COL3A1: variants seen among roughly 807,000 people sequenced by gnomAD.
COL3A1 encodes the protein collagen alpha-1(III) chain.
Under a neutral mutation model 200.9 loss-of-function variants are expected in COL3A1, and 46 were observed. The observed-to-expected ratio is 0.23, with a 90% confidence interval of 0.18 to 0.29. The LOEUF (loss-of-function observed/expected upper bound fraction) is 0.29. COL3A1 is among the 10% of genes least tolerant of loss of function. The probability of loss-of-function intolerance (pLI) is 1.00; values close to 1 mark genes in which losing one functional copy is unlikely to be tolerated. For missense variants in COL3A1, 1,367 were observed against 1,917.6 expected, an observed-to-expected ratio of 0.71 and a Z score of 5.36; for synonymous variants, 650 against 628.0, an observed-to-expected ratio of 1.03 and a Z score of -0.52.
intron 15 of COL3A1, 65 bp downstream of exon 15, chr2:188,993,005 G>C: frequency 1.4e-6 from 2 of 1,469,764 alleles, no homozygotes; most frequent in Non-Finnish European, 1.9e-6. Context: ...GCATTAGATT[G>C]CTTCTTGCAA....
chr2:188,978,019 C>CT, intron 1 of COL3A1: 8 of 371,290 alleles, frequency 2.2e-5, no homozygotes, highest in Admixed American at 8.8e-5. Context: ...CTTACCTGAG[C>CT]TTTTTTTCTA....
In COL3A1 at chr2:189,010,261, A is replaced by T. The variant is rs769747471; in HGVS notation, c.3907A>T (p.Ile1303Leu). 3.1e-6 allele frequency: 5 copies of T among 1,614,224 alleles called. No individual in the cohort carries two copies. The highest frequency in any genetic ancestry group is 4.2e-6 in the Non-Finnish European group (5 of 1,180,012). The change falls in exon 49 of 51, where the codon ATA becomes TTA. Residue 1303 changes from isoleucine to leucine, a missense_variant. Coordinates refer to ENST00000304636, the MANE Select transcript of COL3A1 (RefSeq NM_000090.4). ...FCNMETGETC[I>L]SANPLNVPRK... ...TAATATGGAAACTGGGGAAACATGC[A>T]TAAGTGCCAATCCTTTGAATGTTCC... is the stretch of plus-strand genomic sequence containing the variant.
intron 9 of COL3A1, 53 bp from the exon 10 acceptor site, chr2:188,990,254 G>C: frequency 6.3e-7 from 1 of 1,585,714 alleles, no homozygotes; most frequent in Non-Finnish European, 8.7e-7. Flanking sequence ...TTTACTACTA[G>C]ATTGTGATTC....
At chr2:188,992,684 G>A (rs1466052066) in intron 14 of COL3A1, among the ~76,000 whole-genome samples, 1 of 152,092 alleles carries the variant, frequency 6.6e-6, no homozygotes, top group East Asian at 1.9e-4. Flanking sequence ...GCAAAGTAGG[G>A]AGAAACCAAG....
Position 189,006,460 on chromosome 2 carries a change from C to A in COL3A1, c.3201+8C>A, listed in dbSNP as rs765137525. 8 of 1,612,374 alleles carry A rather than the reference C, an allele frequency of 5.0e-6. No individual in the cohort carries two copies. The South Asian group carries it at 6.6e-5, about 13-fold the overall frequency. ...GGTGACAGAGGAGAAAGTGTGAGTT[C>A]CCAAAAGCAGCATCTGTCTTGTTTG... On this transcript the variant is annotated splice_region_variant and intron_variant, in intron 43 of 50. Coordinates refer to ENST00000304636, the MANE Select transcript of COL3A1 (RefSeq NM_000090.4).
At position 188,993,383 on chromosome 2, in the gene COL3A1, C is replaced by T; in HGVS notation, c.1073C>T (p.Ser358Phe). Residue 358 changes from serine to phenylalanine, a missense_variant, in exon 16 of 51, where the codon TCT becomes TTT. Physicochemically the swap from Ser to Phe is radical, Grantham distance 155. Around this residue, in one of 5 missense-constraint regions of COL3A1, gnomAD observed 462 missense variants for 681.4 expected, o/e 0.68. Coordinates refer to ENST00000304636, the MANE Select transcript of COL3A1 (RefSeq NM_000090.4). ...GAKGEVGPAG[S>F]PGSNGAPGQR... ...TAGGGTGAAGTTGGACCTGCAGGGT[C>T]TCCTGGTTCAAATGGTGCCCCTGGA... The T allele has an allele frequency of 6.4e-7, 1 of 1,570,840 alleles. No homozygotes were observed. The highest frequency in any genetic ancestry group is 1.2e-5 in the South Asian group (1 of 85,200).
Position 188,994,709 on chromosome 2 carries a change from T to A in COL3A1, c.1348-15T>A. ...GTCATAATTTCTTTATTTTACCATC[T>A]TTTTTTTTTTTCAGGGTGAGGCTGG... is the stretch of plus-strand genomic sequence containing the variant. On this transcript the variant is annotated splice_polypyrimidine_tract_variant and intron_variant, in intron 19 of 50. Transcript: ENST00000304636. This position sits in a 1 kb window ranked among gnomAD's most constrained non-coding sequence, Gnocchi z 4.5. 1.8e-6 allele frequency: 1 copy of A among 540,908 alleles called. No homozygotes were observed. Among genetic ancestry groups the A allele is most frequent in the South Asian group, 2.6e-5 (1 of 39,182 alleles). The allele number at this position is 540,908 out of a possible 1,614,324, so 33.5% of individuals were successfully genotyped here.
chr2:188,982,592 A>G (rs1687975590), intron 1 of COL3A1, among the ~76,000 whole-genome samples: 1 of 151,804 alleles, frequency 6.6e-6, no homozygotes, highest in African/African-American at 2.4e-5. Context: ...TTCATAATCC[A>G]CGTGCTGTAT....
In COL3A1 at chr2:188,985,722, T is replaced by G. The variant is rs1688052491; in HGVS notation, c.391T>G (p.Ser131Ala). ...CCCTGGTATTCCAGGACAACCAGGG[T>G]CCCCTGGTTCTCCTGGCCCCCCTGG... ...GDPGIPGQPG[S>A]PGSPGPPGIC... Residue 131 changes from serine to alanine, a missense_variant, in exon 4 of 51, where the codon TCC becomes GCC. Physicochemically the swap from Ser to Ala is moderately conservative, Grantham distance 99. Transcript: ENST00000304636. The G allele has an allele frequency of 6.2e-7, 1 of 1,611,234 alleles. No individual in the cohort carries two copies.
chr2:189,006,274 T>G lies in COL3A1; in HGVS notation c.3093+15T>G. The G allele has an allele frequency of 6.2e-7, 1 of 1,613,912 alleles. No individual in the cohort carries two copies. The highest frequency in any genetic ancestry group is 8.5e-7 in the Non-Finnish European group (1 of 1,179,780). ...CTGGTGGCAAGGTATAATAAACACA[T>G]GTGCAATTGATTTGTGTTATCAAAA... On this transcript the variant is annotated intron_variant, in intron 42 of 50. Coordinates refer to ENST00000304636, the MANE Select transcript of COL3A1 (RefSeq NM_000090.4).
intron 34 of COL3A1, 116 bp downstream of exon 34, chr2:189,001,705 T>C: frequency 9.6e-7 from 1 of 1,046,940 alleles, no homozygotes; most frequent in East Asian, 2.4e-5. Flanking sequence ...TTGGAGATAT[T>C]ATCTTCAAAA....
chr2:188,998,755 G>T (rs1218568070), intron 29 of COL3A1, 37 bp downstream of exon 29: 2 of 1,592,164 alleles, frequency 1.3e-6, no homozygotes, highest in Admixed American at 1.7e-5. Flanking sequence ...TCTTCAGCAG[G>T]TTATAGAGCA....
At chr2:188,988,197 T>G in intron 6 of COL3A1, 63 bp downstream of exon 6, 1 of 1,402,830 alleles carries the variant, frequency 7.1e-7, no homozygotes, top group Non-Finnish European at 1.0e-6. Flanking sequence ...TAATATATAT[T>G]CTGCTATAAT....
intron 21 of COL3A1, 109 bp from the exon 22 acceptor site, chr2:188,995,583 A>T (rs757586029): frequency 1.4e-6 from 1 of 735,764 alleles, no homozygotes; most frequent in South Asian, 1.7e-5. Context: ...CAACACACGA[A>T]CCCTTTTTAA....
intron 15 of COL3A1, among the ~76,000 whole-genome samples, 153 bp downstream of exon 15, chr2:188,993,093 G>C (rs1576464573): frequency 6.6e-6 from 1 of 152,064 alleles, no homozygotes; most frequent in Admixed American, 6.6e-5. Flanking sequence ...TCTAAAAGAG[G>C]TGTTGTCCCT....
chr2:188,993,599 C>T, intron 16 of COL3A1, 140 bp downstream of exon 16: 1 of 747,946 alleles, frequency 1.3e-6, no homozygotes, highest in Non-Finnish European at 2.3e-6. Context: ...TTGCTTAGTG[C>T]TCTAAAATGA....
Position 188,991,673 on chromosome 2 carries a change from C to G in COL3A1, c.902C>G (p.Pro301Arg), listed in dbSNP as rs1273313377. 3.1e-6 allele frequency: 5 copies of G among 1,613,874 alleles called. No homozygotes were observed. Among genetic ancestry groups the G allele is most frequent in the Non-Finnish European group, 4.2e-6 (5 of 1,179,908 alleles). Residue 301 changes from proline to arginine, a missense_variant, in exon 13 of 51, where the codon CCA becomes CGA. Pro to Arg is a moderately radical substitution (Grantham distance 103). This residue lies in a region of COL3A1 where 462 missense variants were observed against 681.4 expected (regional missense o/e 0.68). Coordinates refer to ENST00000304636, the MANE Select transcript of COL3A1 (RefSeq NM_000090.4). ...GENGAPGPMG[P>R]RGAPGERGRP... ...TATTTCAATTTTACTCTGTAGGGTC[C>G]AAGAGGGGCTCCTGGTGAGCGAGGA...
chr2:188,976,281 T>C (rs1443714465), intron 1 of COL3A1, among the ~76,000 whole-genome samples: 1 of 151,128 alleles, frequency 6.6e-6, no homozygotes, highest in East Asian at 1.9e-4. Flanking sequence ...CCAATCCAAC[T>C]TTAGTGGGGG....
In COL3A1 at chr2:189,001,325, A is replaced by G. The variant is rs1467174164; in HGVS notation, c.2284-72A>G. ...GTTTATTAGGTATCTATGTCTATAT[A>G]CTTTCTGTTTGATTAATGCAAAAAA... On this transcript the variant is annotated intron_variant, in intron 32 of 50. Coordinates refer to ENST00000304636, the MANE Select transcript of COL3A1 (RefSeq NM_000090.4). The G allele has an allele frequency of 2.8e-6, 4 of 1,427,708 alleles. No individual in the cohort carries two copies. The East Asian group carries it at 6.8e-5, about 24-fold the overall frequency. The allele number at this position is 1,427,708 out of a possible 1,614,324, so 88.4% of individuals were successfully genotyped here. A position where few individuals can be genotyped will look rare whatever the true frequency, so the allele number is the denominator to read the frequency against.
Sources: allele counts gnomAD v4.1 joint callset (sites outside exome capture counted in the v4.1 genomes callset), GRCh38; gene constraint gnomAD v4.1.1; regional missense constraint gnomAD v4.1.1; non-coding constraint Gnocchi (gnomAD v3.1); transcripts MANE v1.5; gene names NCBI Gene and HGNC (gene_info 2026-07-23, HGNC 2026-07-21).